The following PIBF1 variants were observed in gnomAD, a reference collection of about 807,000 sequenced individuals.
The protein encoded by PIBF1 is progesterone immunomodulatory binding factor 1.
Under a neutral mutation model 112.5 loss-of-function variants are expected in PIBF1, and 90 were observed. That is an observed-to-expected ratio of 0.80 (90% CI 0.67 to 0.95). The LOEUF (loss-of-function observed/expected upper bound fraction) is 0.95. Among genes scored for constraint, PIBF1 ranks in the 40% least tolerant of loss-of-function variants. The probability of loss-of-function intolerance (pLI) is 0.00; values close to 1 mark genes in which losing one functional copy is unlikely to be tolerated. For synonymous variants in PIBF1, 301 were observed against 288.6 expected, an observed-to-expected ratio of 1.04 and a Z score of -0.44; for missense variants, 915 against 852.3, an observed-to-expected ratio of 1.07 and a Z score of -0.92.
intron 8 of PIBF1, among the ~76,000 whole-genome samples, chr13:72,832,595 C>T (rs1439428713): frequency 6.6e-6 from 1 of 152,106 alleles, no homozygotes; most frequent in Non-Finnish European, 1.5e-5. Flanking sequence ...ATATTGGCCC[C>T]CACTCTTTCT....
intron 13 of PIBF1, among the ~76,000 whole-genome samples, chr13:72,921,159 G>A (rs1314070675): frequency 1.3e-5 from 2 of 152,112 alleles, no homozygotes; most frequent in Admixed American, 1.3e-4. Context: ...CTGGAGTGCA[G>A]TGGCATGATC....
intron 17 of PIBF1, among the ~76,000 whole-genome samples, chr13:73,012,709 C>A (rs557201825): frequency 1.3e-5 from 2 of 151,864 alleles, no homozygotes; most frequent in African/African-American, 4.8e-5. Flanking sequence ...GAGCCATGAT[C>A]ATGCCACTGC....
At chr13:72,828,685 A>G (rs2036950426) in intron 8 of PIBF1, among the ~76,000 whole-genome samples, 1 of 152,190 alleles carries the variant, frequency 6.6e-6, no homozygotes, top group Non-Finnish European at 1.5e-5. Context: ...TCTGTTATTG[A>G]AGGACATTTG....
chr13:72,853,334 A>G (rs2038257713), intron 9 of PIBF1, among the ~76,000 whole-genome samples: 1 of 152,192 alleles, frequency 6.6e-6, no homozygotes, highest in African/African-American at 2.4e-5. Flanking sequence ...TTTGAGCCCT[A>G]CATGAATATT....
At chr13:72,936,031 T>A (rs959768849) in intron 14 of PIBF1, among the ~76,000 whole-genome samples, 14 of 151,512 alleles carry the variant, frequency 9.2e-5, no homozygotes, top group African/African-American at 2.9e-4. Context: ...TTTATTTATT[T>A]ATTATTTATT....
chr13:72,823,466 G>A (rs956948169), intron 6 of PIBF1, among the ~76,000 whole-genome samples: 1 of 152,034 alleles, frequency 6.6e-6, no homozygotes, highest in Non-Finnish European at 1.5e-5. Flanking sequence ...AAACAAGAAA[G>A]GACTCAAACT....
At chr13:72,977,529 G>A (rs2043054809) in intron 16 of PIBF1, among the ~76,000 whole-genome samples, 1 of 152,138 alleles carries the variant, frequency 6.6e-6, no homozygotes, top group South Asian at 2.1e-4. Flanking sequence ...TTTTTTAGCA[G>A]TGTCACTTAG....
At chr13:72,983,301 G>A (rs2043198010) in intron 16 of PIBF1, among the ~76,000 whole-genome samples, 1 of 152,038 alleles carries the variant, frequency 6.6e-6, no homozygotes, top group Admixed American at 6.6e-5. Context: ...CTGTATCAAA[G>A]AAAAAAGAAA....
chr13:72,896,375 G>A (rs2040282798), intron 11 of PIBF1, among the ~76,000 whole-genome samples: 1 of 152,014 alleles, frequency 6.6e-6, no homozygotes, highest in Non-Finnish European at 1.5e-5. Context: ...ACCAACCCTG[G>A]TAATATAACA....
At chr13:72,782,525 AAAG>A (rs941982379) in intron 1 of PIBF1, among the ~76,000 whole-genome samples, 176 bp downstream of exon 1, 1 of 151,984 alleles carries the variant, frequency 6.6e-6, no homozygotes, top group African/African-American at 2.4e-5. Context: ...TTCCCTTCAA[AAAG>A]AAGGAGGGAG....
intron 10 of PIBF1, among the ~76,000 whole-genome samples, chr13:72,855,626 G>A (rs888865734): frequency 1.2e-4 from 18 of 152,080 alleles, no homozygotes; most frequent in African/African-American, 4.3e-4. Flanking sequence ...TCCAGCCTGG[G>A]CGACAGAGTG....
At chr13:73,011,506 T>G (rs1447124011) in intron 17 of PIBF1, among the ~76,000 whole-genome samples, 1 of 152,178 alleles carries the variant, frequency 6.6e-6, no homozygotes, top group African/African-American at 2.4e-5. Flanking sequence ...AGAAGCTATT[T>G]TAACTAGAAG....
In PIBF1 at chr13:72,827,039, T is replaced by A. The variant is rs1383700515; in HGVS notation, c.836T>A (p.Ile279Asn). 1.9e-6 allele frequency: 3 copies of A among 1,600,624 alleles called. 1 individual carries two copies. In the East Asian group the frequency reaches 6.7e-5, roughly 36 times the overall value. Residue 279 changes from isoleucine to asparagine, a missense_variant, in exon 7 of 18, where the codon ATT becomes AAT. Coordinates refer to ENST00000326291, the MANE Select transcript of PIBF1 (RefSeq NM_006346.4). ...CGTGATGCACTTGAACAGGAAGTAA[T>A]TGAGCTTAGGAGAAAACATGAAATA... ...SERDALEQEV[I>N]ELRRKHEILE... is the part of the protein sequence containing the mutation.
intron 6 of PIBF1, among the ~76,000 whole-genome samples, chr13:72,822,417 T>G (rs2036598632): frequency 6.6e-6 from 1 of 152,186 alleles, no homozygotes; most frequent in Non-Finnish European, 1.5e-5. Flanking sequence ...GCAAATACCT[T>G]TTTTTAACTG....
chr13:72,863,892 A>T (rs1566374770), intron 10 of PIBF1, among the ~76,000 whole-genome samples: 1 of 152,232 alleles, frequency 6.6e-6, no homozygotes. Flanking sequence ...TTCCATGCCC[A>T]GCCTAGGCAG....
At chr13:72,944,426 G>C (rs2042093554) in intron 14 of PIBF1, among the ~76,000 whole-genome samples, 1 of 146,150 alleles carries the variant, frequency 6.8e-6, no homozygotes, top group South Asian at 2.3e-4. Context: ...CTCTAGCCTA[G>C]GTGACAGAGC....
In PIBF1 at chr13:72,965,287, A is replaced by T; in HGVS notation, c.1847A>T (p.Asn616Ile). ...GTGTTTCTTTAGCTTGACAGAGCCA[A>T]TTCGCTATTAAACCAGACTCAACAG... ...TQLSQELDRA[N>I]SLLNQTQQPY... The change falls in exon 15 of 18, where the codon AAT becomes ATT. Residue 616 changes from asparagine (N) to isoleucine (I), a missense_variant. Asn to Ile is a moderately radical substitution (Grantham distance 149). Coordinates refer to ENST00000326291, the MANE Select transcript of PIBF1 (RefSeq NM_006346.4). The T allele has an allele frequency of 6.2e-7, 1 of 1,610,098 alleles. No homozygotes were observed. The highest frequency in any genetic ancestry group is 8.5e-7 in the Non-Finnish European group (1 of 1,178,680).
chr13:72,809,141 T>TTTTTTC (rs1414732971), intron 5 of PIBF1, among the ~76,000 whole-genome samples: 2 of 149,272 alleles, frequency 1.3e-5, no homozygotes, highest in African/African-American at 4.9e-5. Context: ...CCTTTTTTTT[T>TTTTTTC]TTTTTTTTTT....
chr13:72,983,031 T>C (rs1028826754), intron 16 of PIBF1, among the ~76,000 whole-genome samples: 3 of 152,164 alleles, frequency 2.0e-5, no homozygotes, highest in African/African-American at 7.2e-5. Context: ...TTGTGGAATA[T>C]AAAACATCTG....
Sources: gnomAD v4.1 joint callset for allele counts (sites outside exome capture counted in the v4.1 genomes callset) on GRCh38, gnomAD v4.1.1 for gene constraint, MANE v1.5 for transcripts, NCBI Gene and HGNC (gene_info 2026-07-23, HGNC 2026-07-21) for gene names.